The following CSMD3 variants were observed in gnomAD, a reference collection of about 807,000 sequenced individuals.
CSMD3 encodes CUB and sushi domain-containing protein 3.
CSMD3 carries 177 observed loss-of-function variants against 435.2 expected under a neutral mutation model. The ratio of observed to expected loss-of-function variants is 0.41; its 90% CI spans 0.36 to 0.46. CSMD3 has a LOEUF of 0.46. Ranked by LOEUF, CSMD3 falls within the 20% of genes least tolerant of loss-of-function variation. CSMD3 has a pLI of 0.34. For synonymous variants in CSMD3, 1,656 were observed against 1,520.5 expected, an observed-to-expected ratio of 1.09 and a Z score of -2.07; for missense variants, 4,265 against 4,504.6, an observed-to-expected ratio of 0.95 and a Z score of 1.52.
In CSMD3 at chr8:112,584,023, CAAAT is replaced by C. The variant is rs757528754; in HGVS notation, c.3885+3039_3885+3042del. On this transcript the variant is annotated intron_variant, in intron 23 of 70. Coordinates refer to ENST00000297405, the MANE Select transcript of CSMD3 (RefSeq NM_198123.2). ...ATTTATCCACCTTTGACAAATGACA[CAAAT>C]GAACAAAAATGTTTTACAAAAAAAA... Among the ~76,000 whole-genome samples, 79 of 151,288 alleles carry C rather than the reference CAAAT, an allele frequency of 5.2e-4. 1 individual carries two copies. Among genetic ancestry groups the C allele is most frequent in the Non-Finnish European group, 1.0e-3 (69 of 67,678 alleles).
At chr8:112,960,264 A>T (rs922407938) in intron 7 of CSMD3, among the ~76,000 whole-genome samples, 2 of 151,714 alleles carry the variant, frequency 1.3e-5, no homozygotes, top group East Asian at 3.9e-4. Context: ...GCTAATGATG[A>T]CTTCTTTGAT....
chr8:112,250,729 C>T (rs919969514), intron 63 of CSMD3, among the ~76,000 whole-genome samples: 2 of 151,592 alleles, frequency 1.3e-5, no homozygotes, highest in African/African-American at 2.4e-5. Flanking sequence ...ATTTGTATAT[C>T]AAACATTGCA....
At chr8:113,052,576 C>T (rs560618173) in intron 5 of CSMD3, among the ~76,000 whole-genome samples, 5 of 152,230 alleles carry the variant, frequency 3.3e-5, no homozygotes, top group African/African-American at 9.6e-5. Context: ...GCCAGGCATT[C>T]GAGACCAGCC....
At chr8:112,607,923 C>T (rs2131451171) in intron 22 of CSMD3, among the ~76,000 whole-genome samples, 1 of 152,204 alleles carries the variant, frequency 6.6e-6, no homozygotes, top group Non-Finnish European at 1.5e-5. Flanking sequence ...CTCACTAATT[C>T]TATTCACCAT....
intron 11 of CSMD3, among the ~76,000 whole-genome samples, chr8:112,858,578 G>A (rs1262394377): frequency 6.6e-6 from 1 of 151,782 alleles, no homozygotes; most frequent in Non-Finnish European, 1.5e-5. Context: ...TACATTCATT[G>A]TGTTATAATT....
chr8:112,483,962 A>C (rs1430811227), intron 31 of CSMD3, among the ~76,000 whole-genome samples: 2 of 152,148 alleles, frequency 1.3e-5, no homozygotes, highest in Admixed American at 6.5e-5. Flanking sequence ...GCTGTTTCTC[A>C]ATGGTTGAGG....
intron 32 of CSMD3, among the ~76,000 whole-genome samples, chr8:112,435,967 T>C (rs554581294): frequency 1.3e-5 from 2 of 152,066 alleles, no homozygotes; most frequent in Admixed American, 6.6e-5. Context: ...ACCATTAAAT[T>C]TGAACATAAT....
At chr8:113,264,170 A>G (rs1020974614) in intron 3 of CSMD3, among the ~76,000 whole-genome samples, 3 of 151,472 alleles carry the variant, frequency 2.0e-5, no homozygotes, top group African/African-American at 7.2e-5. Flanking sequence ...AGGGGAAATT[A>G]AATTCTCATA....
intron 4 of CSMD3, among the ~76,000 whole-genome samples, chr8:113,164,683 T>C (rs111268743): frequency 3.3e-5 from 5 of 152,210 alleles, no homozygotes; most frequent in African/African-American, 7.2e-5. Flanking sequence ...ATTAATGATA[T>C]GAAAGAACTT....
chr8:113,359,208 C>T (rs1431381477), intron 1 of CSMD3, among the ~76,000 whole-genome samples: 3 of 152,106 alleles, frequency 2.0e-5, no homozygotes, highest in African/African-American at 4.8e-5. Context: ...TGTTCCATGA[C>T]GTATTTACTT....
At chr8:112,773,924 C>T (rs2132211659) in intron 13 of CSMD3, among the ~76,000 whole-genome samples, 1 of 152,128 alleles carries the variant, frequency 6.6e-6, no homozygotes, top group African/African-American at 2.4e-5. Context: ...ATATAGTTTT[C>T]CAATCTACAT....
intron 55 of CSMD3, 58 bp from the exon 56 acceptor site, chr8:112,291,753 A>G (rs1586672411): frequency 9.3e-7 from 1 of 1,077,838 alleles, no homozygotes; most frequent in East Asian, 2.4e-5. Flanking sequence ...ATACCTATAT[A>G]GATTTATATT....
chr8:113,403,862 T>C (rs1453505629), intron 1 of CSMD3, among the ~76,000 whole-genome samples: 2 of 151,562 alleles, frequency 1.3e-5, no homozygotes, highest in Middle Eastern at 3.4e-3. Flanking sequence ...TAAAATAAAG[T>C]AGTTGATGTT....
chr8:112,323,619 A>G (rs551134383), intron 45 of CSMD3, among the ~76,000 whole-genome samples: 1 of 152,186 alleles, frequency 6.6e-6, no homozygotes, highest in South Asian at 2.1e-4. Context: ...TCTATAAGCT[A>G]AGGAATGCCA....
intron 10 of CSMD3, among the ~76,000 whole-genome samples, chr8:112,904,809 T>C (rs1014632002): frequency 6.6e-6 from 1 of 151,286 alleles, no homozygotes; most frequent in Non-Finnish European, 1.5e-5. Context: ...CATCCTAAAG[T>C]ATCTACATTA....
chr8:112,945,369 C>T (rs1034945540), intron 9 of CSMD3, among the ~76,000 whole-genome samples: 6 of 151,728 alleles, frequency 4.0e-5, no homozygotes, highest in Non-Finnish European at 8.8e-5. Flanking sequence ...AAAGCATGAT[C>T]TACTGAATAT....
At position 112,311,178 on chromosome 8, in the gene CSMD3, A is replaced by C; in HGVS notation, c.7697-12T>G. Reference sequence around the variant, plus strand: ...ACTACAGTAGAAAGCTTTTCAAAAGAAAAAAAAAATGCTGTTTAATTAATG... The same window carrying C: ...ACTACAGTAGAAAGCTTTTCAAAAGCAAAAAAAAATGCTGTTTAATTAATG... On this transcript the variant is annotated splice_polypyrimidine_tract_variant and intron_variant, in intron 49 of 70. Coordinates refer to ENST00000297405, the MANE Select transcript of CSMD3 (RefSeq NM_198123.2). 1 of 1,507,684 alleles carries C rather than the reference A, an allele frequency of 6.6e-7. No homozygotes were observed. The highest frequency in any genetic ancestry group is 1.7e-4 in the Middle Eastern group (1 of 5,794). 93.4% of individuals were successfully genotyped at this position (1,507,684 alleles called of 1,614,324 possible).
At chr8:113,417,618 A>G (rs1177429889) in intron 1 of CSMD3, among the ~76,000 whole-genome samples, 1 of 152,048 alleles carries the variant, frequency 6.6e-6, no homozygotes, top group African/African-American at 2.4e-5. Flanking sequence ...GAAAATGCTT[A>G]GGAGAAATAA....
intron 2 of CSMD3, among the ~76,000 whole-genome samples, chr8:113,299,202 T>C (rs1216395105): frequency 6.6e-6 from 1 of 152,192 alleles, no homozygotes; most frequent in Non-Finnish European, 1.5e-5. Flanking sequence ...CAGAGATTAC[T>C]CATGGGTTTG....
Sources: gnomAD v4.1 joint callset for allele counts (sites outside exome capture counted in the v4.1 genomes callset) on GRCh38, gnomAD v4.1.1 for gene constraint, MANE v1.5 for transcripts, NCBI Gene and HGNC (gene_info 2026-07-23, HGNC 2026-07-21) for gene names.